The following RBFOX1 variants were observed in gnomAD, a reference collection of about 807,000 sequenced individuals.
The protein encoded by RBFOX1 is RNA binding protein fox-1 homolog 1.
RBFOX1 carries 8 observed loss-of-function variants against 57.7 expected under a neutral mutation model. The observed-to-expected ratio is 0.14, with a 90% CI of 0.08 to 0.25. RBFOX1 has a LOEUF of 0.25. RBFOX1 is among the 10% of genes least tolerant of loss of function. RBFOX1 has a pLI of 1.00. For missense variants in RBFOX1, 611 were observed against 548.5 expected (o/e 1.11, Z -1.14); for synonymous variants, 326 against 222.4 (o/e 1.47, Z -4.15).
chr16:6,763,895 G>A (rs1297542612), intron 3 of RBFOX1, among the ~76,000 whole-genome samples: 4 of 152,146 alleles, frequency 2.6e-5, no homozygotes, highest in Non-Finnish European at 1.5e-5. Flanking sequence ...CTTATGTTCA[G>A]GAACCTGTGC....
intron 3 of RBFOX1, among the ~76,000 whole-genome samples, chr16:6,867,701 T>C (rs901760995): frequency 1.3e-5 from 2 of 152,160 alleles, no homozygotes; most frequent in African/African-American, 4.8e-5. Flanking sequence ...CACAAGACTC[T>C]GTCTCAGAAG....
rs559247883 is a variant in RBFOX1 at position 7,712,465 on chromosome 16, A to G, written c.*1720A>G. The G allele has an allele frequency of 2.0e-5, 3 of 152,756 alleles. No individual in the cohort carries two copies. Among genetic ancestry groups the G allele is most frequent in the South Asian group, 2.1e-4 (1 of 4,830 alleles). 9.5% of individuals were successfully genotyped at this position (152,756 alleles called of 1,614,324 possible). A position where few individuals can be genotyped will look rare whatever the true frequency, so the allele number is the denominator to read the frequency against. On this transcript the variant is annotated 3_prime_UTR_variant, in exon 16 of 16. Transcript: ENST00000550418. ...GTGCATGCCGTAAGATCAGTTGGATATTAAACCATCAATAAAGTTTCACAA... is the reference window on the plus strand; with the variant it reads ...GTGCATGCCGTAAGATCAGTTGGATGTTAAACCATCAATAAAGTTTCACAA...
At chr16:7,423,126 AGAGAATAT>A (rs1331715065) in intron 4 of RBFOX1, 4 of 129,086 alleles carry the variant, frequency 3.1e-5, no homozygotes, top group African/African-American at 1.2e-4. Flanking sequence ...AGAGAGAGAG[AGAGAATAT>A]GAATATGGGT....
intron 2 of RBFOX1, among the ~76,000 whole-genome samples, chr16:5,517,981 A>G (rs1412950227): frequency 4.6e-5 from 7 of 151,506 alleles, no homozygotes; most frequent in Non-Finnish European, 8.8e-5. Context: ...TTTATTGGGA[A>G]AAGTTTCTCA....
At position 6,019,158 on chromosome 16, in the gene RBFOX1, T is replaced by A; in HGVS notation, c.-961T>A. ...CGGCTCTCCTTTGTTTATTTTCTAA[T>A]CTATATTTTTACTGGAAGATTTCCT... On this transcript the variant is annotated 5_prime_UTR_variant, in exon 1 of 16. Transcript: ENST00000550418. This position sits in a 1 kb window ranked among gnomAD's most constrained non-coding sequence, Gnocchi z 4.2. 3 of 985,126 alleles carry A rather than the reference T, an allele frequency of 3.0e-6. No homozygotes were observed. The highest frequency in any genetic ancestry group is 4.7e-5 in the South Asian group (1 of 21,250). 61.0% of individuals were successfully genotyped at this position (985,126 alleles called of 1,614,324 possible).
chr16:5,443,382 G>C (rs149930514), intron 1 of RBFOX1, among the ~76,000 whole-genome samples: 2 of 152,288 alleles, frequency 1.3e-5, no homozygotes, highest in African/African-American at 4.8e-5. Flanking sequence ...CTGTTACCCA[G>C]GCTGGAGTGC....
intron 14 of RBFOX1, among the ~76,000 whole-genome samples, chr16:7,684,037 T>A (rs1484564995): frequency 6.6e-6 from 1 of 151,368 alleles, no homozygotes; most frequent in African/African-American, 2.5e-5. Context: ...TAAGATGAAA[T>A]TTTTCAGTAA....
intron 1 of RBFOX1, among the ~76,000 whole-genome samples, chr16:6,139,173 G>C (rs1364742012): frequency 6.6e-6 from 1 of 152,112 alleles, no homozygotes; most frequent in Admixed American, 6.5e-5. Flanking sequence ...GTTCAGCAGG[G>C]ACCATGGTCC....
intron 4 of RBFOX1, among the ~76,000 whole-genome samples, chr16:7,190,919 A>G (rs2085217988): frequency 6.6e-6 from 1 of 152,084 alleles, no homozygotes; most frequent in Non-Finnish European, 1.5e-5. Flanking sequence ...CATATTTTAC[A>G]AAGACCTTTT....
chr16:5,562,106 G>A (rs538495550), intron 2 of RBFOX1, among the ~76,000 whole-genome samples: 2 of 152,242 alleles, frequency 1.3e-5, no homozygotes, highest in Admixed American at 6.5e-5. Context: ...TAGCTTAAAG[G>A]CAAAGCTCTT....
chr16:7,397,556 A>G (rs935762304), intron 4 of RBFOX1, among the ~76,000 whole-genome samples: 49 of 152,148 alleles, frequency 3.2e-4, no homozygotes, highest in Admixed American at 3.1e-3. Flanking sequence ...TGAACTTTGA[A>G]AGTCAGTACC....
chr16:6,724,202 T>C (rs1475094036), intron 3 of RBFOX1, among the ~76,000 whole-genome samples: 2 of 147,274 alleles, frequency 1.4e-5, no homozygotes, highest in Non-Finnish European at 3.0e-5. Flanking sequence ...CGAGAAGGCA[T>C]CTTCCATTTT....
At chr16:6,250,058 C>G (rs905827392) in intron 1 of RBFOX1, among the ~76,000 whole-genome samples, 4 of 152,052 alleles carry the variant, frequency 2.6e-5, no homozygotes, top group Middle Eastern at 3.2e-3. Context: ...GTTAAGTTAG[C>G]CCAGGCACGT....
chr16:6,913,806 G>A (rs911927499), intron 3 of RBFOX1, among the ~76,000 whole-genome samples: 1 of 152,166 alleles, frequency 6.6e-6, no homozygotes, highest in African/African-American at 2.4e-5. Flanking sequence ...GTGACAGCAG[G>A]CATGCTAAAC....
intron 2 of RBFOX1, among the ~76,000 whole-genome samples, chr16:6,642,037 A>G (rs1010380305): frequency 6.6e-6 from 1 of 152,302 alleles, no homozygotes; most frequent in Admixed American, 6.5e-5. Context: ...ACAAGAAAAT[A>G]CTTGAAACAG....
At chr16:6,030,560 T>A (rs1328095703) in intron 1 of RBFOX1, among the ~76,000 whole-genome samples, 1 of 152,194 alleles carries the variant, frequency 6.6e-6, no homozygotes, top group Non-Finnish European at 1.5e-5. Context: ...AGGTACCTAA[T>A]GTGAACATAT....
chr16:6,715,173 C>G (rs1426075868), intron 3 of RBFOX1, among the ~76,000 whole-genome samples: 3 of 152,120 alleles, frequency 2.0e-5, no homozygotes, highest in Admixed American at 6.6e-5. Flanking sequence ...AGAAACCCTC[C>G]TCACTCATAA....
chr16:6,354,325 C>A (rs1407407355), intron 2 of RBFOX1, among the ~76,000 whole-genome samples: 1 of 152,230 alleles, frequency 6.6e-6, no homozygotes, highest in African/African-American at 2.4e-5. Context: ...GCTCTCTGTC[C>A]ATCACCAGTC....
intron 4 of RBFOX1, among the ~76,000 whole-genome samples, chr16:7,130,071 C>T (rs900884654): frequency 2.6e-4 from 37 of 144,748 alleles, no homozygotes; most frequent in Non-Finnish European, 4.8e-4. Flanking sequence ...CTAGCTCTGT[C>T]GCCCAGGCTG....
Sources: gnomAD v4.1 joint callset for allele counts (sites outside exome capture counted in the v4.1 genomes callset) on GRCh38, gnomAD v4.1.1 for gene constraint, Gnocchi (gnomAD v3.1) non-coding constraint, MANE v1.5 for transcripts, NCBI Gene and HGNC (gene_info 2026-07-23, HGNC 2026-07-21) for gene names.